CNTNAP2: variants seen among roughly 807,000 people sequenced by gnomAD.
CNTNAP2 encodes contactin-associated protein-like 2.
Under a neutral mutation model 155.2 loss-of-function variants are expected in CNTNAP2, and 98 were observed. That is an observed-to-expected ratio of 0.63 (90% CI 0.54 to 0.75). CNTNAP2 has a LOEUF of 0.75. Ranked by LOEUF, CNTNAP2 falls within the 30% of genes least tolerant of loss-of-function variation. The probability of loss-of-function intolerance (pLI) is 0.00; values close to 1 mark genes in which losing one functional copy is unlikely to be tolerated. For synonymous variants in CNTNAP2, 651 were observed against 631.2 expected (o/e 1.03, Z -0.47); for missense variants, 1,727 against 1,688.1 (o/e 1.02, Z -0.40).
At chr7:146,361,287 C>T (rs965550458) in intron 1 of CNTNAP2, among the ~76,000 whole-genome samples, 1 of 152,116 alleles carries the variant, frequency 6.6e-6, no homozygotes, top group Non-Finnish European at 1.5e-5. Flanking sequence ...ATTCAGAGGG[C>T]ATACTTTTTG....
chr7:147,158,664 A>G (rs1273629027), intron 8 of CNTNAP2, among the ~76,000 whole-genome samples: 2 of 152,154 alleles, frequency 1.3e-5, no homozygotes, highest in South Asian at 2.1e-4. Flanking sequence ...TTTTTCTTCA[A>G]TATCAAAAAG....
intron 9 of CNTNAP2, among the ~76,000 whole-genome samples, chr7:147,317,808 A>T (rs941011767): frequency 8.1e-6 from 1 of 122,832 alleles, no homozygotes; most frequent in Admixed American, 8.0e-5. Flanking sequence ...GTATATGTAT[A>T]TATATGTGTG....
intron 11 of CNTNAP2, among the ~76,000 whole-genome samples, chr7:147,515,948 A>G (rs566343796): frequency 1.3e-5 from 2 of 151,886 alleles, no homozygotes; most frequent in Non-Finnish European, 2.9e-5. Flanking sequence ...ATGGTATGAT[A>G]TACTGATACT....
chr7:147,035,686 T>G (rs1799140644), intron 3 of CNTNAP2, among the ~76,000 whole-genome samples: 1 of 152,212 alleles, frequency 6.6e-6, no homozygotes, highest in Admixed American at 6.5e-5. Context: ...TTAGGCACTT[T>G]TTTTTAGTCT....
intron 8 of CNTNAP2, among the ~76,000 whole-genome samples, chr7:147,288,900 G>T (rs1453001360): frequency 1.3e-5 from 2 of 151,984 alleles, no homozygotes; most frequent in Non-Finnish European, 2.9e-5. Context: ...AACCTCCAAA[G>T]TGCCTTCCCT....
At chr7:146,773,783 A>C (rs1802339174) in intron 1 of CNTNAP2, among the ~76,000 whole-genome samples, 1 of 152,182 alleles carries the variant, frequency 6.6e-6, no homozygotes, top group East Asian at 1.9e-4. Flanking sequence ...TTCACACCAG[A>C]TCTCCAGAAC....
intron 3 of CNTNAP2, among the ~76,000 whole-genome samples, chr7:146,855,819 A>G (rs1202156149): frequency 0.016 from 681 of 42,164 alleles, 7 homozygotes; most frequent in African/African-American, 0.073. Context: ...ATATATATAT[A>G]TATATATATA....
At chr7:146,908,925 AAG>A (rs924356220) in intron 3 of CNTNAP2, among the ~76,000 whole-genome samples, 1 of 149,304 alleles carries the variant, frequency 6.7e-6, no homozygotes, top group Admixed American at 6.6e-5. Flanking sequence ...TAAAGAAAAA[AAG>A]AGAGAAGAAT....
rs566915320 is a variant in CNTNAP2 at position 146,682,037 on chromosome 7, A to G, written c.98-92234A>G. On this transcript the variant is annotated intron_variant, in intron 1 of 23. Coordinates refer to ENST00000361727, the MANE Select transcript of CNTNAP2 (RefSeq NM_014141.6). ...ACATGTATAAGCTACATCATCATAT[A>G]TCATCACTTTGGTGTTTTAAGTCAT... Among the ~76,000 whole-genome samples the G allele has an allele frequency of 1.1e-4, 16 of 152,258 alleles. No homozygotes were observed. The South Asian group carries it at 3.1e-3, about 30-fold the overall frequency.
intron 14 of CNTNAP2, among the ~76,000 whole-genome samples, chr7:147,943,655 A>G (rs2707578): frequency 0.25 from 37,784 of 150,246 alleles, 5,112 homozygotes; most frequent in Middle Eastern, 0.33. Flanking sequence ...TGTAATCCCA[A>G]CTACTTGGGA....
chr7:148,213,194 C>CA (rs1795578146), intron 18 of CNTNAP2, among the ~76,000 whole-genome samples: 2 of 152,114 alleles, frequency 1.3e-5, no homozygotes, highest in Non-Finnish European at 2.9e-5. Flanking sequence ...TGGGGACCTG[C>CA]GAAAAATGCT....
intron 5 of CNTNAP2, among the ~76,000 whole-genome samples, chr7:147,118,618 G>C (rs1005938807): frequency 6.6e-6 from 1 of 152,142 alleles, no homozygotes; most frequent in African/African-American, 2.4e-5. Context: ...AACGTAAATT[G>C]TATAGCCTAT....
intron 15 of CNTNAP2, among the ~76,000 whole-genome samples, chr7:148,056,048 C>T (rs1299469137): frequency 4.6e-5 from 7 of 152,164 alleles, no homozygotes; most frequent in Admixed American, 3.3e-4. Flanking sequence ...GGATTCACTC[C>T]AACCTTCTCT....
chr7:146,449,213 C>T (rs149351770), intron 1 of CNTNAP2, among the ~76,000 whole-genome samples: 46 of 152,036 alleles, frequency 3.0e-4, no homozygotes, highest in African/African-American at 1.1e-3. Flanking sequence ...TTGAGACTTT[C>T]TTTCATTGGT....
intron 1 of CNTNAP2, among the ~76,000 whole-genome samples, chr7:146,472,444 G>A (rs777138099): frequency 6.6e-6 from 1 of 152,078 alleles, no homozygotes; most frequent in East Asian, 1.9e-4. Context: ...AAAGCAATAC[G>A]CTTGCATTGC....
At chr7:146,460,453 T>A (rs1796620084) in intron 1 of CNTNAP2, among the ~76,000 whole-genome samples, 1 of 152,136 alleles carries the variant, frequency 6.6e-6, no homozygotes, top group Admixed American at 6.5e-5. Context: ...ATGAAATTAG[T>A]ATGTCAAGGA....
intron 11 of CNTNAP2, among the ~76,000 whole-genome samples, chr7:147,497,426 T>C (rs1490241655): frequency 6.6e-6 from 1 of 152,214 alleles, no homozygotes; most frequent in African/African-American, 2.4e-5. Context: ...GTCCTAATAC[T>C]CTCTGCCACT....
intron 1 of CNTNAP2, among the ~76,000 whole-genome samples, chr7:146,406,151 A>C (rs1004665046): frequency 1.3e-5 from 2 of 152,240 alleles, no homozygotes; most frequent in African/African-American, 4.8e-5. Context: ...CTTCCTAATT[A>C]AGATATGCTT....
At chr7:146,223,417 C>A (rs1328530189) in intron 1 of CNTNAP2, among the ~76,000 whole-genome samples, 1 of 152,174 alleles carries the variant, frequency 6.6e-6, no homozygotes, top group Non-Finnish European at 1.5e-5. Context: ...AGAAAGAGGT[C>A]AGTGAAGAGA....
Sources: allele counts gnomAD v4.1 joint callset (sites outside exome capture counted in the v4.1 genomes callset), GRCh38; gene constraint gnomAD v4.1.1; transcripts MANE v1.5; gene names NCBI Gene and HGNC (gene_info 2026-07-23, HGNC 2026-07-21).